Variants in KIAA0930 observed in about 807,000 individuals in gnomAD.
KIAA0930 encodes uncharacterized protein KIAA0930.
In KIAA0930, 24 loss-of-function variants were observed where a neutral mutation model predicts 43.9. The observed-to-expected ratio is 0.55, with a 90% CI of 0.40 to 0.77. KIAA0930 has a LOEUF of 0.77. Ranked by LOEUF, KIAA0930 falls within the 30% of genes least tolerant of loss-of-function variation. The probability of loss-of-function intolerance (pLI) is 0.00; values close to 1 mark genes in which losing one functional copy is unlikely to be tolerated. For synonymous variants in KIAA0930, 259 were observed against 216.4 expected, an observed-to-expected ratio of 1.20 and a Z score of -1.73; for missense variants, 461 against 574.2, an observed-to-expected ratio of 0.80 and a Z score of 2.02.
chr22:45,223,979 T>A (rs1489719987), intron 1 of KIAA0930, among the ~76,000 whole-genome samples: 1 of 152,158 alleles, frequency 6.6e-6, no homozygotes, highest in Non-Finnish European at 1.5e-5. Context: ...ATTACATCAT[T>A]ACTAGTATCC....
chr22:45,194,538 A>C lies in KIAA0930; in HGVS notation c.*2638T>G, dbSNP rs2083519118. 6.6e-6 allele frequency: 1 copy of C among 152,202 alleles called. No individual in the cohort carries two copies. The highest frequency in any genetic ancestry group is 6.5e-5 in the Admixed American group (1 of 15,288). 9.4% of individuals were successfully genotyped at this position (152,202 alleles called of 1,614,324 possible). ...ACAAAAGGCAGGTGTGTTCCCAGAA[A>C]AATTAAAGATGGTCTTACAAGAAGT... On this transcript the variant is annotated 3_prime_UTR_variant, in exon 10 of 10. Transcript: ENST00000336156.
chr22:45,233,472 C>G (rs75427783), intron 1 of KIAA0930, among the ~76,000 whole-genome samples: 11,407 of 152,244 alleles, frequency 0.075, 1,337 homozygotes, highest in African/African-American at 0.25. Context: ...GGTGGGAAAG[C>G]TCCCCTCAGC....
In KIAA0930 at chr22:45,193,378, T is replaced by C. The variant is rs1555896513; in HGVS notation, c.*3798A>G. 6.6e-6 allele frequency: 1 copy of C among 152,212 alleles called. No homozygotes were observed. Among genetic ancestry groups the C allele is most frequent in the South Asian group, 2.1e-4 (1 of 4,838 alleles). 9.4% of individuals were successfully genotyped at this position (152,212 alleles called of 1,614,324 possible). ...TATTAGGACATGGTCCAGGCAGTCA[T>C]TAGAATATACTGGCTGCACAGGGCC... On this transcript the variant is annotated 3_prime_UTR_variant, in exon 10 of 10. Transcript: ENST00000336156.
intron 1 of KIAA0930, among the ~76,000 whole-genome samples, chr22:45,225,389 TG>T (rs1434385544): frequency 6.6e-6 from 1 of 152,138 alleles, no homozygotes; most frequent in Non-Finnish European, 1.5e-5. Flanking sequence ...AAGGGAAGCG[TG>T]GGGTCTCCAC....
intron 1 of KIAA0930, among the ~76,000 whole-genome samples, chr22:45,221,395 A>G (rs1010832278): frequency 1.3e-5 from 2 of 152,250 alleles, no homozygotes; most frequent in Non-Finnish European, 2.9e-5. Flanking sequence ...ATGTTCCAAT[A>G]AAAGTTTCTT....
At chr22:45,231,484 G>A (rs2083853293) in intron 1 of KIAA0930, among the ~76,000 whole-genome samples, 1 of 152,084 alleles carries the variant, frequency 6.6e-6, no homozygotes, top group Non-Finnish European at 1.5e-5. Flanking sequence ...GGATACAGAG[G>A]CAGGGGTGGG....
chr22:45,228,636 C>T (rs182757631), intron 1 of KIAA0930, among the ~76,000 whole-genome samples: 2 of 151,966 alleles, frequency 1.3e-5, no homozygotes, highest in Non-Finnish European at 2.9e-5. Context: ...GGCAATACCT[C>T]GCTCAAGGGC....
intron 9 of KIAA0930, 105 bp from the exon 10 acceptor site, chr22:45,197,321 AT>A: frequency 1.0e-6 from 1 of 954,350 alleles, no homozygotes; most frequent in African/African-American, 1.6e-5. Flanking sequence ...TCAGCCACTC[AT>A]GCATCTCCTC....
rs988274072 is a variant in KIAA0930, at chr22:45,199,743, C to A, written c.1015+130G>T. 23 of 989,524 alleles carry A rather than the reference C, an allele frequency of 2.3e-5. No individual in the cohort carries two copies. In the Admixed American group the frequency reaches 6.4e-4, roughly 28 times the overall value. 61.3% of individuals were successfully genotyped at this position (989,524 alleles called of 1,614,324 possible). A position where few individuals can be genotyped will look rare whatever the true frequency, so the allele number is the denominator to read the frequency against. On this transcript the variant is annotated intron_variant, in intron 8 of 9. Transcript: ENST00000336156. ...CCTCAGCTCCTGGAGGGCTGCCTGGCACATGGCACCCACTCTCTAAGTGCT... is the reference window on the plus strand; with the variant it reads ...CCTCAGCTCCTGGAGGGCTGCCTGGAACATGGCACCCACTCTCTAAGTGCT...
At chr22:45,213,351 T>C in intron 1 of KIAA0930, 1 of 1,303,616 alleles carries the variant, frequency 7.7e-7, no homozygotes, top group Non-Finnish European at 1.0e-6. Flanking sequence ...GCTCCTGGGC[T>C]CTAGGGCAGT....
chr22:45,203,173 G>A lies in KIAA0930; in HGVS notation c.669C>T (p.Ala223=), dbSNP rs113662359. The part of the protein sequence containing the change: ...KKVYDNRVSV[A]ARMAQKMSFG... ...ACGACATCTTCTGTGCCATGCGGGC[G>A]GCCACGCTCACCTGGGGGCCGGCGC... is the stretch of plus-strand genomic sequence containing the variant. Residue 223 remains alanine (A), a synonymous_variant, in exon 7 of 10, where the codon GCC becomes GCT. Transcript: ENST00000336156. The A allele has an allele frequency of 2.3e-3, 3,758 of 1,603,090 alleles. 91 individuals carry two copies. The East Asian group carries it at 0.056, about 24-fold the overall frequency.
intron 7 of KIAA0930, chr22:45,200,969 G>C: frequency 1.9e-6 from 1 of 521,302 alleles, no homozygotes; most frequent in Non-Finnish European, 4.0e-6. Context: ...GAAGAAGGGG[G>C]GGAAGGGCGT....
rs138267232 is a variant in KIAA0930 at position 45,222,717 on chromosome 22, C to T, written c.65-10610G>A. The stretch of plus-strand genomic sequence containing the variant: ...ACAAATACCACACTGGAAACACAGA[C>T]GGAACCCTTACATGAGGGCAATTTC... On this transcript the variant is annotated intron_variant, in intron 1 of 9. Transcript: ENST00000336156. Among the ~76,000 whole-genome samples, 856 of 148,488 alleles carry T rather than the reference C, an allele frequency of 5.8e-3. 6 individuals carry two copies. The highest frequency in any genetic ancestry group is 9.0e-3 in the Non-Finnish European group (609 of 67,338).
chr22:45,208,488 C>T (rs5766540), intron 2 of KIAA0930, among the ~76,000 whole-genome samples: 3,534 of 98,552 alleles, frequency 0.036, 19 homozygotes, highest in Non-Finnish European at 0.043. Flanking sequence ...CGACTCCACA[C>T]GCACGAGCTG....
chr22:45,198,761 T>C (rs888617025), intron 8 of KIAA0930, among the ~76,000 whole-genome samples: 6 of 151,932 alleles, frequency 3.9e-5, no homozygotes, highest in African/African-American at 1.4e-4. Flanking sequence ...GAGATTCTCC[T>C]GCCTCAGCCT....
chr22:45,233,770 C>T (rs191509268), intron 1 of KIAA0930, among the ~76,000 whole-genome samples: 69 of 152,322 alleles, frequency 4.5e-4, no homozygotes, highest in African/African-American at 1.5e-3. Context: ...AAGGTCTACT[C>T]AACCCTCTGA....
intron 9 of KIAA0930, among the ~76,000 whole-genome samples, chr22:45,197,519 G>A (rs762124801): frequency 1.1e-4 from 17 of 152,176 alleles, no homozygotes; most frequent in Non-Finnish European, 2.1e-4. Flanking sequence ...GCCTCCCCTC[G>A]CCCGTGAGTA....
chr22:45,209,355 A>T (rs1251615445), intron 2 of KIAA0930, among the ~76,000 whole-genome samples: 1 of 152,098 alleles, frequency 6.6e-6, no homozygotes, highest in Admixed American at 6.5e-5. Flanking sequence ...CAGCGCCTCC[A>T]GCCTGCCCCC....
At chr22:45,201,184 A>T (rs868479887) in intron 7 of KIAA0930, among the ~76,000 whole-genome samples, 3 of 152,254 alleles carry the variant, frequency 2.0e-5, no homozygotes, top group African/African-American at 4.8e-5. Flanking sequence ...TAAAAGAAAC[A>T]AACAGCAGCA....
Sources: allele counts gnomAD v4.1 joint callset (sites outside exome capture counted in the v4.1 genomes callset), GRCh38; gene constraint gnomAD v4.1.1; transcripts MANE v1.5; gene names NCBI Gene and HGNC (gene_info 2026-07-23, HGNC 2026-07-21).